TVP23A: variants seen among roughly 807,000 people sequenced by gnomAD.
TVP23A encodes the protein Golgi apparatus membrane protein TVP23 homolog A.
TVP23A carries 21 observed loss-of-function variants against 31.7 expected under a neutral mutation model. The observed-to-expected ratio is 0.66, with a 90% confidence interval of 0.47 to 0.95. The LOEUF (loss-of-function observed/expected upper bound fraction) is 0.95, where lower values mean the gene tolerates loss of function less well. TVP23A is among the 40% of genes least tolerant of loss of function. The probability of loss-of-function intolerance (pLI) is 0.00; values close to 1 mark genes in which losing one functional copy is unlikely to be tolerated. For missense variants in TVP23A, 279 were observed against 255.6 expected (o/e 1.09, Z -0.62); for synonymous variants, 104 against 96.0 (o/e 1.08, Z -0.49).
intron 2 of TVP23A, among the ~76,000 whole-genome samples, chr16:10,794,747 G>C (rs750441793): frequency 6.6e-6 from 1 of 152,130 alleles, no homozygotes; most frequent in Non-Finnish European, 1.5e-5. Flanking sequence ...TAGGTACCTG[G>C]TAGGGGTCTG....
Position 10,769,013 on chromosome 16 carries a change from A to G in TVP23A, c.*89T>C. On this transcript the variant is annotated 3_prime_UTR_variant, in exon 8 of 8. Coordinates refer to ENST00000299866, the MANE Select transcript of TVP23A (RefSeq NM_001079512.4). ...AGGGCTGTCAAGGGGTAGACAAGCC[A>G]TTAGCACTCTATGCCTGTCGTCTTG... The G allele has an allele frequency of 6.2e-7, 1 of 1,607,316 alleles. No homozygotes were observed.
At chr16:10,794,120 G>T (rs1413716676) in intron 2 of TVP23A, among the ~76,000 whole-genome samples, 1 of 151,980 alleles carries the variant, frequency 6.6e-6, no homozygotes, top group Non-Finnish European at 1.5e-5. Flanking sequence ...ACTCCCACCA[G>T]CCCCTTTATA....
intron 2 of TVP23A, among the ~76,000 whole-genome samples, chr16:10,789,810 GAC>G (rs1215889724): frequency 6.9e-6 from 1 of 145,728 alleles, no homozygotes; most frequent in Non-Finnish European, 1.5e-5. Flanking sequence ...CAGCCTGGAT[GAC>G]AGAGTGAGAC....
At chr16:10,770,238 T>G in intron 7 of TVP23A, 34 bp downstream of exon 7, 1 of 1,549,324 alleles carries the variant, frequency 6.5e-7, no homozygotes. Flanking sequence ...AATTCCCCAG[T>G]TCCTCCACAC....
chr16:10,807,841 T>C (rs117818458), intron 2 of TVP23A, among the ~76,000 whole-genome samples: 1,600 of 152,292 alleles, frequency 0.011, 12 homozygotes, highest in Non-Finnish European at 0.017. Context: ...TAATGTAAGA[T>C]ATGGAGTCTA....
intron 2 of TVP23A, among the ~76,000 whole-genome samples, chr16:10,807,207 T>A (rs750066619): frequency 6.6e-5 from 10 of 152,158 alleles, no homozygotes; most frequent in Admixed American, 6.6e-5. Flanking sequence ...TTCTCCTTAG[T>A]GTGTGGGAGC....
intron 2 of TVP23A, among the ~76,000 whole-genome samples, chr16:10,787,919 G>A (rs1396324459): frequency 1.3e-5 from 2 of 152,094 alleles, no homozygotes; most frequent in African/African-American, 4.8e-5. Context: ...AGATGCCGGA[G>A]GCTTTCAACT....
Position 10,767,247 on chromosome 16 carries a change from T to C in TVP23A, c.*1855A>G, listed in dbSNP as rs1470836223. The C allele has an allele frequency of 1.8e-5, 7 of 399,714 alleles. No homozygotes were observed. The East Asian group carries it at 2.5e-4, about 14-fold the overall frequency. 24.8% of individuals were successfully genotyped at this position (399,714 alleles called of 1,614,324 possible). On this transcript the variant is annotated 3_prime_UTR_variant, in exon 8 of 8. Coordinates refer to ENST00000299866, the MANE Select transcript of TVP23A (RefSeq NM_001079512.4). This position sits in a 1 kb window ranked among gnomAD's most constrained non-coding sequence, Gnocchi z 4.6. ...AGGCGAGAACACCCCCATTGACCCCTAGCCCCTTGTGTCCTGTCCACCTGG... is the reference window on the plus strand; with the variant it reads ...AGGCGAGAACACCCCCATTGACCCCCAGCCCCTTGTGTCCTGTCCACCTGG...
At chr16:10,783,966 AC>A (rs1314337538) in intron 2 of TVP23A, among the ~76,000 whole-genome samples, 5 of 152,000 alleles carry the variant, frequency 3.3e-5, no homozygotes, top group Non-Finnish European at 7.4e-5. Flanking sequence ...AGCAGAGGGG[AC>A]TTTTAGAGCT....
downstream of TVP23A, chr16:10,764,971 G>A (rs1446846971): frequency 4.6e-5 from 8 of 172,494 alleles, no homozygotes; most frequent in Non-Finnish European, 7.6e-5. Flanking sequence ...CAGCCACCAG[G>A]GCATTCCTGA....
intron 2 of TVP23A, among the ~76,000 whole-genome samples, chr16:10,805,130 C>A (rs993045598): frequency 6.6e-6 from 1 of 152,080 alleles, no homozygotes; most frequent in Non-Finnish European, 1.5e-5. Context: ...CTGCTGGGTT[C>A]AAGCGATTCT....
intron 2 of TVP23A, among the ~76,000 whole-genome samples, chr16:10,798,940 G>C (rs2033553011): frequency 6.6e-6 from 1 of 152,192 alleles, no homozygotes; most frequent in Non-Finnish European, 1.5e-5. Flanking sequence ...GGGATTACAG[G>C]TGTGAGCCAC....
chr16:10,800,672 T>C (rs1190110102), intron 2 of TVP23A, among the ~76,000 whole-genome samples: 5 of 152,204 alleles, frequency 3.3e-5, no homozygotes, highest in African/African-American at 1.2e-4. Flanking sequence ...GAACAGCCTA[T>C]AACTTTTTAA....
intron 2 of TVP23A, 199 bp from the exon 3 acceptor site, chr16:10,775,295 CA>C (rs2031929971): frequency 7.1e-7 from 1 of 1,403,072 alleles, no homozygotes; most frequent in African/African-American, 1.4e-5. Flanking sequence ...GTCATGCTGA[CA>C]CTGTTTTTTT....
At position 10,769,042 on chromosome 16, in the gene TVP23A, T is replaced by A; in HGVS notation, c.*60A>T. On this transcript the variant is annotated 3_prime_UTR_variant, in exon 8 of 8. Coordinates refer to ENST00000299866, the MANE Select transcript of TVP23A (RefSeq NM_001079512.4). ...GCACTCTATGCCTGTCGTCTTGTTT[T>A]CCAGGAATCCAAGAGTTTTGTAATC... 1 of 1,614,044 alleles carries A rather than the reference T, an allele frequency of 6.2e-7. No homozygotes were observed. The highest frequency in any genetic ancestry group is 1.1e-5 in the South Asian group (1 of 91,082).
intron 2 of TVP23A, among the ~76,000 whole-genome samples, chr16:10,787,757 T>C (rs1169230770): frequency 1.3e-5 from 2 of 151,752 alleles, no homozygotes; most frequent in Admixed American, 6.6e-5. Flanking sequence ...CTATTAAACC[T>C]CCCCTCCTAA....
downstream of TVP23A, among the ~76,000 whole-genome samples, chr16:10,763,347 T>C (rs1376340953): frequency 2.0e-5 from 3 of 149,348 alleles, no homozygotes; most frequent in Non-Finnish European, 4.5e-5. Context: ...CTCGAGGAAG[T>C]GGTAGGGGGG....
chr16:10,771,099 T>C (rs2031580367), intron 6 of TVP23A, among the ~76,000 whole-genome samples: 1 of 152,078 alleles, frequency 6.6e-6, no homozygotes, highest in South Asian at 2.1e-4. Context: ...GTTTTGTGGG[T>C]ACTGAGCTTA....
At chr16:10,790,401 C>T (rs1448085376) in intron 2 of TVP23A, among the ~76,000 whole-genome samples, 1 of 150,968 alleles carries the variant, frequency 6.6e-6, no homozygotes, top group African/African-American at 2.4e-5. Context: ...TCTCCTGCCT[C>T]AGCCTCCCGA....
Sources: gnomAD v4.1 joint callset for allele counts (sites outside exome capture counted in the v4.1 genomes callset) on GRCh38, gnomAD v4.1.1 for gene constraint, Gnocchi (gnomAD v3.1) non-coding constraint, MANE v1.5 for transcripts, NCBI Gene and HGNC (gene_info 2026-07-23, HGNC 2026-07-21) for gene names.